The following TRIO variants were observed in gnomAD, a reference collection of about 807,000 sequenced individuals.
TRIO encodes the protein trio Rho guanine nucleotide exchange factor.
Under a neutral mutation model 351.9 loss-of-function variants are expected in TRIO, and 58 were observed. The observed-to-expected ratio is 0.16, with a 90% CI of 0.13 to 0.21. The LOEUF is 0.21. TRIO is among the 10% of genes least tolerant of loss of function. TRIO has a pLI of 1.00. For missense variants in TRIO, 3,201 were observed against 4,027.8 expected, an observed-to-expected ratio of 0.79 and a Z score of 5.56; for synonymous variants, 1,758 against 1,595.7, an observed-to-expected ratio of 1.10 and a Z score of -2.42.
rs1225808447 is a variant in TRIO, at chr5:14,478,819, G to A, written c.6154-442G>A. On this transcript the variant is annotated intron_variant, in intron 41 of 56. Coordinates refer to ENST00000344204, the MANE Select transcript of TRIO (RefSeq NM_007118.4). ...AAAAAAAAAAAATTAAAAATTAGCC[G>A]GGCATGGTGATGCACATCTGTAATC... 7.3e-5 allele frequency among the ~76,000 whole-genome samples: 11 copies of A among 151,258 alleles called. No individual in the cohort carries two copies. The East Asian group carries it at 7.7e-4, about 11-fold the overall frequency.
intron 21 of TRIO, among the ~76,000 whole-genome samples, chr5:14,381,638 T>G (rs1336326348): frequency 1.3e-5 from 2 of 152,228 alleles, no homozygotes; most frequent in African/African-American, 4.8e-5. Context: ...TTTTCTTTCC[T>G]ACACCTGGGG....
At chr5:14,159,574 C>CTT (rs760216530) in intron 1 of TRIO, among the ~76,000 whole-genome samples, 20 of 143,390 alleles carry the variant, frequency 1.4e-4, no homozygotes, top group Non-Finnish European at 1.4e-4. Context: ...TATTTTTTTT[C>CTT]TTTTTTTTTT....
At chr5:14,405,445 G>A (rs1748621261) in intron 31 of TRIO, among the ~76,000 whole-genome samples, 1 of 152,220 alleles carries the variant, frequency 6.6e-6, no homozygotes, top group African/African-American at 2.4e-5. Context: ...GCAAGGCTGT[G>A]GGGATTTGTT....
chr5:14,180,513 T>C (rs772605485), intron 1 of TRIO, among the ~76,000 whole-genome samples: 23 of 152,164 alleles, frequency 1.5e-4, no homozygotes, highest in South Asian at 8.3e-4. Context: ...AGGCAGACCA[T>C]GTTGTTAGAA....
chr5:14,255,339 G>A (rs765858461), intron 1 of TRIO, among the ~76,000 whole-genome samples: 1 of 152,206 alleles, frequency 6.6e-6, no homozygotes, highest in Non-Finnish European at 1.5e-5. Flanking sequence ...GGATGGGGCT[G>A]TTCATGGCAG....
Position 14,368,904 on chromosome 5 carries a change from G to A in TRIO, c.3066+5G>A, listed in dbSNP as rs1419486837. 1 of 1,610,382 alleles carries A rather than the reference G, an allele frequency of 6.2e-7. No homozygotes were observed. Among genetic ancestry groups the A allele is most frequent in the East Asian group, 2.2e-5 (1 of 44,760 alleles). On this transcript the variant is annotated splice_donor_5th_base_variant and intron_variant, in intron 17 of 56. Transcript: ENST00000344204. ...TTCTACAAAACCTCAGAGCAGGTCA[G>A]GGGAGAGGTTCCCTTCCTTGAACTC...
At chr5:14,148,562 C>A (rs1186712231) in intron 1 of TRIO, among the ~76,000 whole-genome samples, 1 of 152,226 alleles carries the variant, frequency 6.6e-6, no homozygotes, top group African/African-American at 2.4e-5. Flanking sequence ...ACCCTGCCCC[C>A]ATTCCTCCTC....
intron 1 of TRIO, among the ~76,000 whole-genome samples, chr5:14,241,521 CAT>C (rs1444095362): frequency 6.6e-6 from 1 of 152,184 alleles, no homozygotes; most frequent in African/African-American, 2.4e-5. Context: ...AAGACTAAAA[CAT>C]GTGCTTTAAA....
intron 11 of TRIO, among the ~76,000 whole-genome samples, chr5:14,344,513 A>T (rs1414378873): frequency 6.6e-6 from 1 of 152,220 alleles, no homozygotes; most frequent in African/African-American, 2.4e-5. Context: ...ATAGGATAAT[A>T]CAATCTCTAA....
intron 8 of TRIO, among the ~76,000 whole-genome samples, chr5:14,308,988 C>T (rs1581586421): frequency 1.3e-5 from 2 of 152,026 alleles, no homozygotes; most frequent in African/African-American, 4.8e-5. Context: ...TCCATCGCCA[C>T]CTCATCACCC....
intron 1 of TRIO, among the ~76,000 whole-genome samples, chr5:14,207,774 A>G (rs1182728656): frequency 6.6e-6 from 1 of 152,220 alleles, no homozygotes; most frequent in Non-Finnish European, 1.5e-5. Context: ...TTTGTAAATC[A>G]TATATCCAAT....
At chr5:14,473,814 A>C (rs1352507803) in intron 39 of TRIO, among the ~76,000 whole-genome samples, 180 bp from the exon 40 acceptor site, 1 of 152,258 alleles carries the variant, frequency 6.6e-6, no homozygotes, top group Non-Finnish European at 1.5e-5. Flanking sequence ...TAATAGGTAT[A>C]TTCCAAGTAT....
intron 31 of TRIO, among the ~76,000 whole-genome samples, 178 bp downstream of exon 31, chr5:14,401,242 TG>T (rs1748044233): frequency 6.6e-6 from 1 of 152,250 alleles, no homozygotes; most frequent in Non-Finnish European, 1.5e-5. Context: ...TTTGGTGTTC[TG>T]GTGATGAAAC....
chr5:14,184,857 T>G lies in TRIO; in HGVS notation c.157+40975T>G, dbSNP rs368117948. Among the ~76,000 whole-genome samples the G allele has an allele frequency of 5.3e-5, 8 of 152,264 alleles. No individual in the cohort carries two copies. In the East Asian group the frequency reaches 9.7e-4, roughly 18 times the overall value. ...TGTGCTTCCCTCCTGGCGTCTGTACTCTAATCTAATGCACGAGGGCAGTCC... is the reference window on the plus strand; with the variant it reads ...TGTGCTTCCCTCCTGGCGTCTGTACGCTAATCTAATGCACGAGGGCAGTCC... On this transcript the variant is annotated intron_variant, in intron 1 of 56. Coordinates refer to ENST00000344204, the MANE Select transcript of TRIO (RefSeq NM_007118.4).
intron 8 of TRIO, among the ~76,000 whole-genome samples, chr5:14,308,649 T>TCATCCATC (rs55799712): frequency 4.9e-4 from 68 of 139,402 alleles, no homozygotes; most frequent in African/African-American, 1.7e-3. Context: ...CACCCATTCA[T>TCATCCATC]CATCCATCCA....
chr5:14,333,976 A>T (rs927359911), intron 10 of TRIO, among the ~76,000 whole-genome samples: 1 of 152,200 alleles, frequency 6.6e-6, no homozygotes, highest in Admixed American at 6.5e-5. Flanking sequence ...CCTGACTCTG[A>T]TATCCTCCCC....
At chr5:14,403,816 TGTGAGGGTGCAG>T (rs769691504) in intron 31 of TRIO, among the ~76,000 whole-genome samples, 4,703 of 13,320 alleles carry the variant, frequency 0.35, 1,166 homozygotes, top group Middle Eastern at 0.59. Context: ...GGGTGCAGGT[TGTGAGGGTGCAG>T]GTGGTGGTGA....
At chr5:14,455,038 C>T (rs543275411) in intron 34 of TRIO, among the ~76,000 whole-genome samples, 27 of 152,088 alleles carry the variant, frequency 1.8e-4, no homozygotes, top group South Asian at 4.2e-4. Context: ...TTCGTGGTCT[C>T]GCTGGCCTCA....
intron 34 of TRIO, among the ~76,000 whole-genome samples, chr5:14,444,295 A>G (rs1243135440): frequency 1.3e-5 from 2 of 152,272 alleles, no homozygotes; most frequent in Admixed American, 6.5e-5. Context: ...TGGAATATTC[A>G]GTTTCACATG....
Sources: gnomAD v4.1 joint callset for allele counts (sites outside exome capture counted in the v4.1 genomes callset) on GRCh38, gnomAD v4.1.1 for gene constraint, MANE v1.5 for transcripts, NCBI Gene and HGNC (gene_info 2026-07-23, HGNC 2026-07-21) for gene names.